Variants in MARCO observed in about 807,000 individuals in gnomAD.
The protein encoded by MARCO is macrophage receptor MARCO.
MARCO carries 72 observed loss-of-function variants against 70.0 expected under a neutral mutation model. That is an observed-to-expected ratio of 1.03 (90% CI 0.85 to 1.25). The LOEUF (loss-of-function observed/expected upper bound fraction) is 1.25. MARCO is among the 50% of genes most tolerant of loss of function. MARCO has a pLI of 0.00. For synonymous variants in MARCO, 273 were observed against 243.1 expected (o/e 1.12, Z -1.14); for missense variants, 696 against 659.3 (o/e 1.06, Z -0.61).
rs1186461590 is a variant in MARCO at position 118,992,457 on chromosome 2, G to T, written c.1233G>T (p.Lys411Asn). 1 of 1,613,558 alleles carries T rather than the reference G, an allele frequency of 6.2e-7. No individual in the cohort carries two copies. The highest frequency in any genetic ancestry group is 2.2e-5 in the East Asian group (1 of 44,870). ...VKGSSGEQGV[K>N]GEKGERGENS... ...GATCTTCTGGGGAGCAAGGAGTAAA[G>T]GGAGAAAAAGGTGAAAGAGGTAATC... is the stretch of plus-strand genomic sequence containing the variant. The change falls in exon 15 of 17, where the codon AAG (lysine) becomes AAT (asparagine). Residue 411 changes from lysine to asparagine, a missense_variant. By Grantham distance (94) the Lys-to-Asn change is moderately conservative. Coordinates refer to ENST00000327097, the MANE Select transcript of MARCO (RefSeq NM_006770.4).
At chr2:118,971,596 C>G in intron 4 of MARCO, 62 bp downstream of exon 4, 1 of 1,570,662 alleles carries the variant, frequency 6.4e-7, no homozygotes, top group East Asian at 2.3e-5. Flanking sequence ...AAAAGGGCCC[C>G]TTGGCCTGTG....
In MARCO at chr2:118,993,087, C is replaced by T. The variant is rs201891103; in HGVS notation, c.1253-37C>T. ...CGCACTTACCCAAAGCCCCAAGGGGCCTTCCTTGCCTCTCCCATGTGTGTT... is the reference window on the plus strand; with the variant it reads ...CGCACTTACCCAAAGCCCCAAGGGGTCTTCCTTGCCTCTCCCATGTGTGTT... On this transcript the variant is annotated intron_variant, in intron 15 of 16. Transcript: ENST00000327097. 2.6e-5 allele frequency: 41 copies of T among 1,600,000 alleles called. No homozygotes were observed. In the African/African-American group the frequency reaches 5.2e-4, roughly 20 times the overall value.
At chr2:118,983,616 G>A (rs375181332) in intron 12 of MARCO, among the ~76,000 whole-genome samples, 69 of 152,108 alleles carry the variant, frequency 4.5e-4, no homozygotes, top group African/African-American at 1.6e-3. Flanking sequence ...TTTCCATCTG[G>A]GTATAGTCGT....
Position 118,981,742 on chromosome 2 carries a change from G to T in MARCO, c.901+86G>T, listed in dbSNP as rs892888388. ...TGGGGACCAGACACCACCATCTTTT[G>T]CTTCATTGTAGTATTCACCCAGAAC... On this transcript the variant is annotated intron_variant, in intron 10 of 16. Transcript: ENST00000327097. The T allele has an allele frequency of 3.7e-6, 5 of 1,350,956 alleles. No individual in the cohort carries two copies. In the African/African-American group the frequency reaches 4.4e-5, roughly 12 times the overall value. 83.7% of individuals were successfully genotyped at this position (1,350,956 alleles called of 1,614,324 possible).
chr2:118,983,943 C>T (rs1477525478), intron 12 of MARCO, among the ~76,000 whole-genome samples: 9 of 152,168 alleles, frequency 5.9e-5, no homozygotes. Context: ...GGTAGGGAAT[C>T]CTGCCCTGCC....
intron 1 of MARCO, among the ~76,000 whole-genome samples, chr2:118,961,533 G>T (rs1203690387): frequency 5.3e-5 from 8 of 152,030 alleles, no homozygotes; most frequent in Non-Finnish European, 4.4e-5. Flanking sequence ...AGAAGTGTCT[G>T]TTCATGTCCC....
Position 118,992,490 on chromosome 2 carries a change from A to G in MARCO, c.1252+14A>G, listed in dbSNP as rs745989000. On this transcript the variant is annotated intron_variant, in intron 15 of 16. Coordinates refer to ENST00000327097, the MANE Select transcript of MARCO (RefSeq NM_006770.4). ...AAGGTGAAAGAGGTAATCACTATTT[A>G]TATTATCTTTAATGTGTGCTTTAAA... 8.1e-6 allele frequency: 13 copies of G among 1,602,292 alleles called. No homozygotes were observed. The East Asian group carries it at 2.7e-4, about 33-fold the overall frequency.
chr2:118,982,101 G>A, intron 10 of MARCO, 55 bp from the exon 11 acceptor site: 1 of 1,294,098 alleles, frequency 7.7e-7, no homozygotes, highest in Non-Finnish European at 1.1e-6. Flanking sequence ...GGGGGTTGGG[G>A]TATCTGGGCC....
intron 1 of MARCO, among the ~76,000 whole-genome samples, chr2:118,966,011 T>A (rs1342157867): frequency 6.6e-6 from 1 of 151,974 alleles, no homozygotes; most frequent in African/African-American, 2.4e-5. Flanking sequence ...CCACTAGTGT[T>A]ATAGCACGGG....
chr2:118,961,507 T>A (rs1350248404), intron 1 of MARCO, among the ~76,000 whole-genome samples: 1 of 152,242 alleles, frequency 6.6e-6, no homozygotes, highest in Non-Finnish European at 1.5e-5. Context: ...GTTGGCTACA[T>A]GAATGTCTTC....
chr2:118,951,114 C>G (rs1276375610), intron 1 of MARCO, among the ~76,000 whole-genome samples: 2 of 152,318 alleles, frequency 1.3e-5, no homozygotes, highest in South Asian at 2.1e-4. Context: ...AATTATTAGG[C>G]AATTTTCCTA....
intron 3 of MARCO, 110 bp from the exon 4 acceptor site, chr2:118,971,389 C>T: frequency 9.7e-7 from 1 of 1,026,930 alleles, no homozygotes; most frequent in South Asian, 1.3e-5. Flanking sequence ...TGATGGGAGC[C>T]CCACACAGGA....
intron 9 of MARCO, 56 bp from the exon 10 acceptor site, chr2:118,981,565 T>TTTTTTTG: frequency 6.3e-7 from 1 of 1,584,166 alleles, no homozygotes; most frequent in Admixed American, 1.8e-5. Flanking sequence ...TTTTTTTTTT[T>TTTTTTTG]CTGGCTGGCT....
At chr2:118,976,003 C>T (rs1045075185) in intron 6 of MARCO, among the ~76,000 whole-genome samples, 9 of 152,130 alleles carry the variant, frequency 5.9e-5, no homozygotes, top group African/African-American at 2.2e-4. Flanking sequence ...ATCCTCTTTC[C>T]TCCGAGAGAG....
rs902577597 is a variant in MARCO at position 118,977,452 on chromosome 2, C to A, written c.614-19C>A. On this transcript the variant is annotated intron_variant, in intron 6 of 16. Transcript: ENST00000327097. ...ATTCTCAGGCCACAGCAACTGAGCTCTTTTTTCCTTCCTCACAGGCCTCCA... is the reference window on the plus strand; with the variant it reads ...ATTCTCAGGCCACAGCAACTGAGCTATTTTTTCCTTCCTCACAGGCCTCCA... The A allele has an allele frequency of 2.5e-6, 4 of 1,612,070 alleles. No homozygotes were observed. Among genetic ancestry groups the A allele is most frequent in the African/African-American group, 1.3e-5 (1 of 74,852 alleles).
intron 1 of MARCO, among the ~76,000 whole-genome samples, chr2:118,945,389 C>T (rs940818495): frequency 4.7e-5 from 7 of 148,980 alleles, no homozygotes; most frequent in Non-Finnish European, 7.4e-5. Context: ...TGTGATCTGT[C>T]GGAACCTCTT....
chr2:118,989,587 T>G (rs911023044), intron 12 of MARCO, among the ~76,000 whole-genome samples: 1 of 152,136 alleles, frequency 6.6e-6, no homozygotes. Flanking sequence ...CCCTTGCCTC[T>G]CCCTCCACTG....
chr2:118,963,651 T>A (rs1301869368), intron 1 of MARCO, among the ~76,000 whole-genome samples: 1 of 152,198 alleles, frequency 6.6e-6, no homozygotes, highest in Admixed American at 6.5e-5. Context: ...TTTGCAGAGT[T>A]TCTATCAATT....
chr2:118,952,746 G>A (rs1259388358), intron 1 of MARCO: 6 of 152,182 alleles, frequency 3.9e-5, no homozygotes, highest in East Asian at 1.9e-4. Flanking sequence ...TTACCCCTGA[G>A]GCCACCGCAA....
Sources: gnomAD v4.1 joint callset for allele counts (sites outside exome capture counted in the v4.1 genomes callset) on GRCh38, gnomAD v4.1.1 for gene constraint, MANE v1.5 for transcripts, NCBI Gene and HGNC (gene_info 2026-07-23, HGNC 2026-07-21) for gene names.